Variants in LSAMP observed in about 807,000 individuals in gnomAD.
LSAMP encodes limbic system associated membrane protein, also known as limbic system-associated membrane protein.
Under a neutral mutation model 38.6 loss-of-function variants are expected in LSAMP, and 7 were observed. The ratio of observed to expected loss-of-function variants is 0.18; its 90% confidence interval spans 0.10 to 0.34. The LOEUF (loss-of-function observed/expected upper bound fraction) is 0.34, where lower values mean the gene tolerates loss of function less well. Among genes scored for constraint, LSAMP ranks in the 10% least tolerant of loss-of-function variants. The pLI is 1.00. For missense variants in LSAMP, 313 were observed against 420.0 expected (o/e 0.75, Z 2.23); for synonymous variants, 154 against 166.8 (o/e 0.92, Z 0.59).
intron 3 of LSAMP, among the ~76,000 whole-genome samples, chr3:115,919,719 C>T (rs1288453547): frequency 6.6e-6 from 1 of 152,186 alleles, no homozygotes; most frequent in East Asian, 1.9e-4. Flanking sequence ...TCAAGTGATT[C>T]TCTTGCCTCA....
intron 2 of LSAMP, among the ~76,000 whole-genome samples, chr3:116,068,302 A>C (rs568325846): frequency 6.6e-6 from 1 of 152,318 alleles, no homozygotes; most frequent in South Asian, 2.1e-4. Context: ...ATGTGCTATA[A>C]ATCATTATCT....
At chr3:116,022,501 T>C (rs1441187599) in intron 2 of LSAMP, among the ~76,000 whole-genome samples, 8 of 152,128 alleles carry the variant, frequency 5.3e-5, no homozygotes, top group Non-Finnish European at 1.2e-4. Context: ...TATGGACAAT[T>C]TCTGTTAGCT....
At chr3:116,128,592 ATGTC>A (rs1437490960) in intron 1 of LSAMP, among the ~76,000 whole-genome samples, 2 of 152,322 alleles carry the variant, frequency 1.3e-5, no homozygotes, top group South Asian at 2.1e-4. Flanking sequence ...AATCTAGAAA[ATGTC>A]TGTGCTGCCA....
chr3:116,245,937 T>C (rs905774128), intron 1 of LSAMP, among the ~76,000 whole-genome samples: 21 of 152,210 alleles, frequency 1.4e-4, no homozygotes, highest in Non-Finnish European at 2.9e-5. Flanking sequence ...AGTCCCAAAG[T>C]AGGCCAAAAG....
intron 1 of LSAMP, among the ~76,000 whole-genome samples, chr3:116,357,701 C>G (rs1395362155): frequency 6.6e-6 from 1 of 151,990 alleles, no homozygotes; most frequent in Non-Finnish European, 1.5e-5. Context: ...ATATATGCTG[C>G]ATAGGTTTTA....
intron 2 of LSAMP, among the ~76,000 whole-genome samples, chr3:116,023,683 T>C (rs9859789): frequency 0.23 from 34,172 of 150,148 alleles, 3,955 homozygotes; most frequent in Admixed American, 0.27. Flanking sequence ...TTCACCACAC[T>C]ACAATCAGAT....
rs372909534 is a variant in LSAMP at position 115,975,467 on chromosome 3, A to C, written c.514+44048T>G. On this transcript the variant is annotated intron_variant, in intron 3 of 6. Transcript: ENST00000490035. ...TTCTTGCAGTTAGAAGACAACAAGA[A>C]AAAGCAAAGGAGACAGACAGTAAGT... Among the ~76,000 whole-genome samples, 47 of 152,338 alleles carry C rather than the reference A, an allele frequency of 3.1e-4. 1 individual carries two copies. Among genetic ancestry groups the C allele is most frequent in the African/African-American group, 1.1e-3 (44 of 41,574 alleles).
At chr3:115,964,490 G>C (rs1169210018) in intron 3 of LSAMP, among the ~76,000 whole-genome samples, 1 of 152,102 alleles carries the variant, frequency 6.6e-6, no homozygotes, top group Non-Finnish European at 1.5e-5. Context: ...AATTAGAATG[G>C]TTCAAGAATG....
At chr3:116,037,639 T>C (rs893839551) in intron 2 of LSAMP, among the ~76,000 whole-genome samples, 2 of 152,154 alleles carry the variant, frequency 1.3e-5, no homozygotes, top group Non-Finnish European at 2.9e-5. Flanking sequence ...TTTTATGTAA[T>C]CTTCTTCTCA....
chr3:116,351,420 A>T lies in LSAMP; in HGVS notation c.155+93457T>A, dbSNP rs376180918. 8.5e-5 allele frequency among the ~76,000 whole-genome samples: 13 copies of T among 152,210 alleles called. No homozygotes were observed. In the East Asian group the frequency reaches 2.5e-3, roughly 29 times the overall value. On this transcript the variant is annotated intron_variant, in intron 1 of 6. Coordinates refer to ENST00000490035, the MANE Select transcript of LSAMP (RefSeq NM_002338.5). ...AACGGAGAAGTAGCTTTGGAACCTG[A>T]CAGGGGAATGGCAGGAGAGTTCACC...
intron 1 of LSAMP, among the ~76,000 whole-genome samples, chr3:116,268,293 T>C (rs905858608): frequency 2.0e-5 from 3 of 151,936 alleles, no homozygotes; most frequent in African/African-American, 7.3e-5. Context: ...ATAAGTAGAG[T>C]GGTCATGTAC....
chr3:116,385,237 T>A (rs762023240), intron 1 of LSAMP, among the ~76,000 whole-genome samples: 1 of 152,162 alleles, frequency 6.6e-6, no homozygotes, highest in Non-Finnish European at 1.5e-5. Flanking sequence ...TTGGCCAAGA[T>A]ATTTCCCATA....
intron 2 of LSAMP, among the ~76,000 whole-genome samples, chr3:116,071,963 T>G (rs1380526485): frequency 6.6e-6 from 1 of 151,052 alleles, no homozygotes; most frequent in Non-Finnish European, 1.5e-5. Flanking sequence ...TATTCCATGG[T>G]GTATATGTAG....
intron 2 of LSAMP, among the ~76,000 whole-genome samples, chr3:116,028,501 C>T (rs887327295): frequency 3.9e-5 from 6 of 152,164 alleles, no homozygotes; most frequent in South Asian, 2.1e-4. Context: ...AATGACCAAA[C>T]TATAACAAAT....
chr3:116,291,162 A>G (rs2047262368), intron 1 of LSAMP, among the ~76,000 whole-genome samples: 1 of 152,172 alleles, frequency 6.6e-6, no homozygotes, highest in Admixed American at 6.5e-5. Context: ...CTTTGAATAT[A>G]TATGCTCCAA....
At chr3:115,984,604 C>T (rs1013739565) in intron 3 of LSAMP, among the ~76,000 whole-genome samples, 3 of 151,976 alleles carry the variant, frequency 2.0e-5, no homozygotes, top group Non-Finnish European at 2.9e-5. Flanking sequence ...AAAATTAAAC[C>T]GTATACTAAT....
rs186140487 is a variant in LSAMP, at chr3:116,067,525, C to T, written c.388+18799G>A. 2.1e-4 allele frequency among the ~76,000 whole-genome samples: 32 copies of T among 152,292 alleles called. No homozygotes were observed. The Middle Eastern group carries it at 0.017, about 81-fold the overall frequency. ...AGAAACAGCCTTCCAGTAGAGAACA[C>T]CAGCTGTCACAAGCAGCAAACTCAC... On this transcript the variant is annotated intron_variant, in intron 2 of 6. Coordinates refer to ENST00000490035, the MANE Select transcript of LSAMP (RefSeq NM_002338.5).
chr3:116,411,649 A>G, intron 1 of LSAMP, among the ~76,000 whole-genome samples: 1 of 123,074 alleles, frequency 8.1e-6, no homozygotes, highest in African/African-American at 3.1e-5. Flanking sequence ...GGGGGGAGGG[A>G]TAGCATTAGG....
intron 2 of LSAMP, among the ~76,000 whole-genome samples, chr3:116,075,921 G>GA (rs1385883270): frequency 6.6e-6 from 1 of 152,088 alleles, no homozygotes. Flanking sequence ...TTTATGCTAA[G>GA]ACAGCCTTCC....
Sources: allele counts gnomAD v4.1 joint callset (sites outside exome capture counted in the v4.1 genomes callset), GRCh38; gene constraint gnomAD v4.1.1; transcripts MANE v1.5; gene names NCBI Gene and HGNC (gene_info 2026-07-23, HGNC 2026-07-21).